Variants in LIMCH1 observed in about 807,000 individuals in gnomAD.
LIMCH1 encodes LIM and calponin homology domains-containing protein 1.
LIMCH1 carries 113 observed loss-of-function variants against 176.5 expected under a neutral mutation model. The ratio of observed to expected loss-of-function variants is 0.64; its 90% CI spans 0.55 to 0.75. The LOEUF is 0.75. Ranked by LOEUF, LIMCH1 falls within the 30% of genes least tolerant of loss-of-function variation. LIMCH1 has a pLI of 0.00. For missense variants in LIMCH1, 1,674 were observed against 1,814.9 expected (o/e 0.92, Z 1.41); for synonymous variants, 619 against 645.9 (o/e 0.96, Z 0.63).
chr4:41,565,751 T>C (rs969364840), intron 1 of LIMCH1, among the ~76,000 whole-genome samples: 4 of 152,114 alleles, frequency 2.6e-5, no homozygotes, highest in African/African-American at 9.7e-5. Context: ...GGAGTTGTGA[T>C]GTATGTGGTT....
intron 20 of LIMCH1, among the ~76,000 whole-genome samples, chr4:41,663,749 G>A (rs2094713928): frequency 1.3e-5 from 2 of 149,220 alleles, no homozygotes; most frequent in South Asian, 4.2e-4. Flanking sequence ...TGGGTGTGGT[G>A]GCTCACAACT....
chr4:41,603,884 T>G lies in LIMCH1; in HGVS notation c.-124T>G. The G allele has an allele frequency of 4.4e-6, 7 of 1,606,944 alleles. No homozygotes were observed. Among genetic ancestry groups the G allele is most frequent in the Non-Finnish European group, 6.0e-6 (7 of 1,174,290 alleles). Reference sequence around the variant, plus strand: ...CCCTTTCCTTGACTAGGAGCCTTGATTATAGTAGGAAGCTGAAAAATGTAA... The same window carrying G: ...CCCTTTCCTTGACTAGGAGCCTTGAGTATAGTAGGAAGCTGAAAAATGTAA... On this transcript the variant is annotated 5_prime_UTR_variant, in exon 3 of 32. Transcript: ENST00000503057.
intron 1 of LIMCH1, among the ~76,000 whole-genome samples, chr4:41,472,747 G>A (rs2067164211): frequency 6.6e-6 from 1 of 152,148 alleles, no homozygotes; most frequent in African/African-American, 2.4e-5. Flanking sequence ...TTCCTGCAAG[G>A]TAGTCTTGGT....
At chr4:41,620,158 A>G in intron 6 of LIMCH1, 1 of 410,050 alleles carries the variant, frequency 2.4e-6, no homozygotes, top group Admixed American at 4.2e-5. Context: ...AATTTGCTGA[A>G]CAAACTAATG....
intron 17 of LIMCH1, among the ~76,000 whole-genome samples, chr4:41,647,650 A>G (rs1056672477): frequency 6.6e-6 from 1 of 152,254 alleles, no homozygotes; most frequent in African/African-American, 2.4e-5. Flanking sequence ...GCACTCAATG[A>G]GTTTGTAATA....
At chr4:41,479,936 C>G in intron 1 of LIMCH1, among the ~76,000 whole-genome samples, 1 of 152,154 alleles carries the variant, frequency 6.6e-6, no homozygotes, top group African/African-American at 2.4e-5. Context: ...GCAAATTTGC[C>G]TCAACTAGAT....
At chr4:41,630,660 C>G (rs955171328) in intron 9 of LIMCH1, among the ~76,000 whole-genome samples, 5 of 152,122 alleles carry the variant, frequency 3.3e-5, no homozygotes, top group African/African-American at 1.2e-4. Flanking sequence ...CAATTTTGCT[C>G]TAGCCTTAAA....
At chr4:41,404,125 C>G (rs968428368) in intron 1 of LIMCH1, among the ~76,000 whole-genome samples, 1 of 152,092 alleles carries the variant, frequency 6.6e-6, no homozygotes, top group African/African-American at 2.4e-5. Flanking sequence ...TGGCTTGCAC[C>G]ATAGACATTT....
chr4:41,620,102 T>G, intron 6 of LIMCH1: 2 of 273,060 alleles, frequency 7.3e-6, no homozygotes, highest in Non-Finnish European at 1.4e-5. Flanking sequence ...TAATAGTCCA[T>G]CTGTACTATT....
chr4:41,407,913 C>CG lies in LIMCH1; in HGVS notation c.96+46978dup, dbSNP rs112814327. Among the ~76,000 whole-genome samples, 340 of 152,194 alleles carry CG rather than the reference C, an allele frequency of 2.2e-3. 1 individual carries two copies. The highest frequency in any genetic ancestry group is 7.3e-3 in the African/African-American group (304 of 41,548). On this transcript the variant is annotated intron_variant, in intron 1 of 26. Transcript: ENST00000313860. ...AGTCACTTAGTGGATCAACTAAGTG[C>CG]GTATTGCTGGACTTAGTTTTGTAGG...
intron 13 of LIMCH1, among the ~76,000 whole-genome samples, chr4:41,638,370 C>T (rs1430656630): frequency 6.6e-6 from 1 of 152,162 alleles, no homozygotes; most frequent in Non-Finnish European, 1.5e-5. Flanking sequence ...TGGTTTCTGT[C>T]AAATGCATGC....
intron 1 of LIMCH1, among the ~76,000 whole-genome samples, chr4:41,401,264 C>G (rs1433097937): frequency 1.3e-5 from 2 of 152,160 alleles, no homozygotes; most frequent in African/African-American, 4.8e-5. Context: ...AGCCTGTTTT[C>G]CCAGCACCAT....
upstream of LIMCH1, among the ~76,000 whole-genome samples, chr4:41,534,636 G>GT: frequency 6.6e-6 from 1 of 152,278 alleles, no homozygotes; most frequent in South Asian, 2.1e-4. Flanking sequence ...ACAAAAAATT[G>GT]GACTAGGTTA....
chr4:41,568,049 A>G (rs2083010492), intron 1 of LIMCH1, among the ~76,000 whole-genome samples: 1 of 152,178 alleles, frequency 6.6e-6, no homozygotes. Context: ...GCTATTTAGG[A>G]GCCTGAGGCA....
chr4:41,416,469 TG>T, intron 1 of LIMCH1, among the ~76,000 whole-genome samples: 1 of 151,438 alleles, frequency 6.6e-6, no homozygotes, highest in Non-Finnish European at 1.5e-5. Flanking sequence ...CTGGCCAACA[TG>T]GTGAAACCTC....
At chr4:41,619,128 A>G in intron 5 of LIMCH1, 60 bp from the exon 6 acceptor site, 1 of 1,590,482 alleles carries the variant, frequency 6.3e-7, no homozygotes, top group Non-Finnish European at 8.6e-7. Flanking sequence ...TGCATGCTTA[A>G]CATTGGGAAC....
chr4:41,423,687 A>G (rs1373216601), intron 1 of LIMCH1, among the ~76,000 whole-genome samples: 3 of 151,808 alleles, frequency 2.0e-5, no homozygotes, highest in African/African-American at 4.9e-5. Flanking sequence ...GATACATTCT[A>G]TATGTTCAAA....
intron 1 of LIMCH1, among the ~76,000 whole-genome samples, chr4:41,475,987 T>G (rs1329641189): frequency 1.3e-5 from 2 of 152,222 alleles, no homozygotes; most frequent in African/African-American, 2.4e-5. Context: ...TTATTTATTT[T>G]TAGAGACAAG....
At chr4:41,487,095 G>T (rs1184292087) in intron 1 of LIMCH1, among the ~76,000 whole-genome samples, 3 of 151,806 alleles carry the variant, frequency 2.0e-5, no homozygotes, top group Non-Finnish European at 2.9e-5. Flanking sequence ...TCTTGACCTC[G>T]TGATCCACCC....
Sources: allele counts gnomAD v4.1 joint callset (sites outside exome capture counted in the v4.1 genomes callset), GRCh38; gene constraint gnomAD v4.1.1; transcripts MANE v1.5; gene names NCBI Gene and HGNC (gene_info 2026-07-23, HGNC 2026-07-21).